ZFHX3: variants seen among roughly 807,000 people sequenced by gnomAD.
The protein encoded by ZFHX3 is zinc finger homeobox 3.
ZFHX3 carries 42 observed loss-of-function variants against 279.1 expected under a neutral mutation model. That is an observed-to-expected ratio of 0.15 (90% CI 0.12 to 0.19). ZFHX3 has a LOEUF of 0.19. ZFHX3 is among the 10% of genes least tolerant of loss of function. ZFHX3 has a pLI of 1.00. For synonymous variants in ZFHX3, 2,293 were observed against 1,957.8 expected, an observed-to-expected ratio of 1.17 and a Z score of -4.52; for missense variants, 4,981 against 4,754.0, an observed-to-expected ratio of 1.05 and a Z score of -1.40.
intron 1 of ZFHX3, among the ~76,000 whole-genome samples, chr16:73,832,934 C>T (rs1293039935): frequency 1.3e-5 from 2 of 152,094 alleles, no homozygotes; most frequent in Non-Finnish European, 2.9e-5. Flanking sequence ...GGCTATATGA[C>T]AGTCAAATTT....
At chr16:73,622,942 T>C (rs1318069634) in intron 2 of ZFHX3, among the ~76,000 whole-genome samples, 1 of 152,228 alleles carries the variant, frequency 6.6e-6, no homozygotes, top group Non-Finnish European at 1.5e-5. Context: ...CCCTAGTACC[T>C]GGGGGTGATC....
intron 1 of ZFHX3, among the ~76,000 whole-genome samples, chr16:73,737,073 A>C (rs1173467782): frequency 2.0e-5 from 3 of 151,644 alleles, no homozygotes; most frequent in Non-Finnish European, 2.9e-5. Flanking sequence ...TCACTCTATC[A>C]CTCAAGCTGG....
intron 2 of ZFHX3, among the ~76,000 whole-genome samples, chr16:73,457,267 C>T (rs529866017): frequency 1.2e-4 from 18 of 152,216 alleles, no homozygotes; most frequent in African/African-American, 4.3e-4. Flanking sequence ...ATGAGAGGCC[C>T]CCATGAAAGA....
intron 5 of ZFHX3, among the ~76,000 whole-genome samples, chr16:73,151,296 A>G (rs1400331770): frequency 6.6e-6 from 1 of 152,214 alleles, no homozygotes; most frequent in Admixed American, 6.5e-5. Flanking sequence ...GGTGAGGGAC[A>G]TGGAGGGAAG....
At chr16:73,496,246 C>T (rs543092478) in intron 2 of ZFHX3, among the ~76,000 whole-genome samples, 1 of 152,316 alleles carries the variant, frequency 6.6e-6, no homozygotes, top group South Asian at 2.1e-4. Context: ...AGAAACACAT[C>T]GTGGCCGGGC....
intron 6 of ZFHX3, among the ~76,000 whole-genome samples, chr16:73,138,550 C>G (rs1966831962): frequency 6.6e-6 from 1 of 152,124 alleles, no homozygotes; most frequent in Non-Finnish European, 1.5e-5. Flanking sequence ...ATGCTTAACC[C>G]CAGGGATATA....
chr16:73,695,529 T>A (rs1015472493), intron 1 of ZFHX3, among the ~76,000 whole-genome samples: 1 of 152,222 alleles, frequency 6.6e-6, no homozygotes, highest in African/African-American at 2.4e-5. Context: ...GGTCTGGGAT[T>A]CAAAGTGAGG....
chr16:73,185,955 G>A (rs897616491), intron 5 of ZFHX3, among the ~76,000 whole-genome samples: 6 of 152,056 alleles, frequency 3.9e-5, no homozygotes, highest in East Asian at 1.9e-4. Context: ...TCTGCCTCCC[G>A]TCAGATCAGC....
chr16:73,408,249 C>A (rs1022063140), intron 3 of ZFHX3, among the ~76,000 whole-genome samples: 5 of 151,906 alleles, frequency 3.3e-5, no homozygotes, highest in Admixed American at 6.6e-5. Flanking sequence ...TTGTTGTGTC[C>A]ACCATAAAAA....
chr16:72,783,675 T>A lies in ZFHX3; in HGVS notation c.*3489A>T, dbSNP rs556498554. Reference sequence around the variant, plus strand: ...ATGGAGGAAAGATGGATGAAATAACTCCCATTCTGTGGGTCAGACTGGTGT... The same window carrying A: ...ATGGAGGAAAGATGGATGAAATAACACCCATTCTGTGGGTCAGACTGGTGT... On this transcript the variant is annotated 3_prime_UTR_variant, in exon 10 of 10. Transcript: ENST00000268489. 4.6e-5 allele frequency: 7 copies of A among 152,270 alleles called. No homozygotes were observed. The highest frequency in any genetic ancestry group is 9.6e-5 in the African/African-American group (4 of 41,558). 9.4% of individuals were successfully genotyped at this position (152,270 alleles called of 1,614,324 possible). A position where few individuals can be genotyped will look rare whatever the true frequency, so the allele number is the denominator to read the frequency against.
At chr16:73,159,866 G>A (rs984029717) in intron 5 of ZFHX3, among the ~76,000 whole-genome samples, 6 of 152,104 alleles carry the variant, frequency 3.9e-5, no homozygotes, top group Admixed American at 1.3e-4. Context: ...AGGTTCAAGC[G>A]ATTCTCCTGC....
At chr16:73,092,121 G>A (rs1966091369) in intron 8 of ZFHX3, among the ~76,000 whole-genome samples, 1 of 152,190 alleles carries the variant, frequency 6.6e-6, no homozygotes, top group South Asian at 2.1e-4. Flanking sequence ...GCTAAAAAGG[G>A]AAAGTCACTT....
At chr16:73,412,894 C>G (rs1334729163) in intron 3 of ZFHX3, among the ~76,000 whole-genome samples, 1 of 152,200 alleles carries the variant, frequency 6.6e-6, no homozygotes, top group Non-Finnish European at 1.5e-5. Flanking sequence ...ATATCTGTCT[C>G]TCTGTGCTAC....
chr16:73,286,040 T>C (rs1436050130), intron 4 of ZFHX3, among the ~76,000 whole-genome samples: 1 of 152,214 alleles, frequency 6.6e-6, no homozygotes, highest in Non-Finnish European at 1.5e-5. Context: ...TCCGCCTGGC[T>C]GGATCTGAGA....
intron 3 of ZFHX3, among the ~76,000 whole-genome samples, chr16:72,901,149 C>G (rs990891362): frequency 1.3e-5 from 2 of 152,280 alleles, no homozygotes; most frequent in South Asian, 4.2e-4. Flanking sequence ...CCAGGGCTGT[C>G]GCTGGCAGCG....
At chr16:72,859,210 C>T (rs981433522) in intron 4 of ZFHX3, among the ~76,000 whole-genome samples, 1 of 152,168 alleles carries the variant, frequency 6.6e-6, no homozygotes, top group Non-Finnish European at 1.5e-5. Flanking sequence ...GAAAAGATGA[C>T]GCTCTCCAGA....
chr16:73,073,587 C>T (rs1207699937), intron 8 of ZFHX3, among the ~76,000 whole-genome samples: 1 of 152,166 alleles, frequency 6.6e-6, no homozygotes, highest in East Asian at 1.9e-4. Context: ...CAACCTCCAC[C>T]TCCTGGGTTC....
chr16:73,296,121 G>A (rs182347489), intron 4 of ZFHX3, among the ~76,000 whole-genome samples: 99 of 151,772 alleles, frequency 6.5e-4, no homozygotes, highest in Admixed American at 1.2e-3. Flanking sequence ...TCAAACCATC[G>A]TGTCCTGACT....
intron 4 of ZFHX3, among the ~76,000 whole-genome samples, chr16:73,260,640 G>A (rs2013792552): frequency 6.6e-6 from 1 of 150,628 alleles, no homozygotes; most frequent in Admixed American, 6.6e-5. Flanking sequence ...ACCAAGATCC[G>A]GGTGCTAGGC....
Sources: gnomAD v4.1 joint callset for allele counts (sites outside exome capture counted in the v4.1 genomes callset) on GRCh38, gnomAD v4.1.1 for gene constraint, MANE v1.5 for transcripts, NCBI Gene and HGNC (gene_info 2026-07-23, HGNC 2026-07-21) for gene names.